The following C16orf78 variants were observed in gnomAD, a reference collection of about 807,000 sequenced individuals.
The protein encoded by C16orf78 is uncharacterized protein C16orf78.
Under a neutral mutation model 27.3 loss-of-function variants are expected in C16orf78, and 19 were observed. The ratio of observed to expected loss-of-function variants is 0.70; its 90% confidence interval spans 0.49 to 1.02. The LOEUF is 1.02. C16orf78 is among the 50% of genes least tolerant of loss of function. C16orf78 has a pLI of 0.00. For missense variants in C16orf78, 339 were observed against 337.0 expected (o/e 1.01, Z -0.05); for synonymous variants, 130 against 116.1 (o/e 1.12, Z -0.77).
intron 3 of C16orf78, among the ~76,000 whole-genome samples, chr16:49,387,844 G>A (rs559751521): frequency 1.2e-4 from 19 of 152,120 alleles, no homozygotes; most frequent in Non-Finnish European, 2.1e-4. Context: ...GTACAGAGAG[G>A]TTTTCATAAT....
At chr16:49,392,799 G>A (rs1193057079) in intron 3 of C16orf78, among the ~76,000 whole-genome samples, 2 of 152,184 alleles carry the variant, frequency 1.3e-5, no homozygotes, top group African/African-American at 4.8e-5. Flanking sequence ...CACCCAAGTA[G>A]TGAGCATATG....
intron 3 of C16orf78, among the ~76,000 whole-genome samples, chr16:49,390,325 T>C (rs749419762): frequency 2.0e-5 from 3 of 152,200 alleles, no homozygotes; most frequent in Admixed American, 6.5e-5. Flanking sequence ...TTATTTCATT[T>C]CTCCATTCTC....
At chr16:49,380,016 G>C (rs138582413) in intron 3 of C16orf78, among the ~76,000 whole-genome samples, 2,054 of 152,322 alleles carry the variant, frequency 0.013, 18 homozygotes, top group Non-Finnish European at 0.02. Context: ...GACTTGCTGA[G>C]TCCTCTGGCC....
intron 3 of C16orf78, among the ~76,000 whole-genome samples, chr16:49,390,344 C>T (rs1158390130): frequency 1.3e-5 from 2 of 152,186 alleles, no homozygotes; most frequent in African/African-American, 4.8e-5. Context: ...TCTCCCCTCT[C>T]TTTCAGGCAC....
At chr16:49,375,675 A>G (rs1329268682) in intron 1 of C16orf78, among the ~76,000 whole-genome samples, 3 of 152,172 alleles carry the variant, frequency 2.0e-5, no homozygotes, top group African/African-American at 7.2e-5. Flanking sequence ...GATCCAAACC[A>G]TACCACTTAC....
chr16:49,392,593 T>C (rs1965426489), intron 3 of C16orf78, among the ~76,000 whole-genome samples: 1 of 152,124 alleles, frequency 6.6e-6, no homozygotes, highest in Non-Finnish European at 1.5e-5. Context: ...CCTACATGCA[T>C]CAAAAAATGT....
chr16:49,388,327 C>T (rs1323619236), intron 3 of C16orf78, among the ~76,000 whole-genome samples: 3 of 152,100 alleles, frequency 2.0e-5, no homozygotes, highest in Non-Finnish European at 2.9e-5. Context: ...ATTTCTCTAA[C>T]TTTTTGATGT....
chr16:49,397,471 G>A (rs1965488183), intron 4 of C16orf78, among the ~76,000 whole-genome samples: 1 of 152,204 alleles, frequency 6.6e-6, no homozygotes, highest in South Asian at 2.1e-4. Flanking sequence ...CTCACTGACT[G>A]GCAGAAGGAT....
chr16:49,397,675 C>T (rs1392806617), intron 4 of C16orf78, among the ~76,000 whole-genome samples: 2 of 152,168 alleles, frequency 1.3e-5, no homozygotes, highest in Non-Finnish European at 2.9e-5. Context: ...GACAGGACTC[C>T]TGCCCTCCAA....
chr16:49,392,725 A>C (rs541780312), intron 3 of C16orf78, among the ~76,000 whole-genome samples: 6 of 152,296 alleles, frequency 3.9e-5, no homozygotes, highest in Admixed American at 3.3e-4. Flanking sequence ...CTAGGAGTAC[A>C]TGTGCGGGTT....
chr16:49,394,753 A>AT (rs985875089), intron 3 of C16orf78, among the ~76,000 whole-genome samples: 1 of 152,080 alleles, frequency 6.6e-6, no homozygotes, highest in Non-Finnish European at 1.5e-5. Context: ...TGATATGTTC[A>AT]TTTTTTCCCC....
chr16:49,382,199 G>T (rs1015562820), intron 3 of C16orf78, among the ~76,000 whole-genome samples: 1 of 152,104 alleles, frequency 6.6e-6, no homozygotes, highest in African/African-American at 2.4e-5. Context: ...TCACTCATAG[G>T]TGGGAATTGA....
chr16:49,374,096 A>T lies in C16orf78; in HGVS notation c.150+7A>T. On this transcript the variant is annotated splice_region_variant and intron_variant, in intron 1 of 4. Coordinates refer to ENST00000299191, the MANE Select transcript of C16orf78 (RefSeq NM_144602.4). ...GAAGAAACAAGCTCCCGAGGTGGGTACCATCCAAGAGAAATGGCAGGAAGA... is the reference window on the plus strand; with the variant it reads ...GAAGAAACAAGCTCCCGAGGTGGGTTCCATCCAAGAGAAATGGCAGGAAGA... 1 of 1,613,848 alleles carries T rather than the reference A, an allele frequency of 6.2e-7. No homozygotes were observed. The highest frequency in any genetic ancestry group is 8.5e-7 in the Non-Finnish European group (1 of 1,179,844).
chr16:49,387,929 T>A (rs965118947), intron 3 of C16orf78, among the ~76,000 whole-genome samples: 2 of 152,200 alleles, frequency 1.3e-5, no homozygotes, highest in Non-Finnish European at 2.9e-5. Context: ...TATGTCTATT[T>A]GGATCCTGTC....
intron 3 of C16orf78, among the ~76,000 whole-genome samples, chr16:49,393,396 G>A (rs1354710442): frequency 6.6e-6 from 1 of 152,070 alleles, no homozygotes; most frequent in African/African-American, 2.4e-5. Flanking sequence ...TGTGTGCTTT[G>A]TCATAAAAAA....
intron 3 of C16orf78, among the ~76,000 whole-genome samples, chr16:49,381,966 T>C (rs963360044): frequency 2.0e-5 from 3 of 151,610 alleles, no homozygotes; most frequent in Non-Finnish European, 4.4e-5. Flanking sequence ...CATGCACACA[T>C]ATGTTTATTG....
At chr16:49,393,475 C>T (rs1412811150) in intron 3 of C16orf78, among the ~76,000 whole-genome samples, 1 of 152,058 alleles carries the variant, frequency 6.6e-6, no homozygotes, top group East Asian at 1.9e-4. Context: ...TTAGAAATAA[C>T]CCTCAACTTT....
chr16:49,374,137 T>C (rs1179348446), intron 1 of C16orf78, 48 bp downstream of exon 1: 1 of 1,605,490 alleles, frequency 6.2e-7, no homozygotes, highest in African/African-American at 1.3e-5. Flanking sequence ...CTCAAGGTAG[T>C]TGCAGTAGGG....
intron 3 of C16orf78, among the ~76,000 whole-genome samples, chr16:49,382,542 A>G (rs1185082432): frequency 6.6e-6 from 1 of 152,192 alleles, no homozygotes; most frequent in East Asian, 1.9e-4. Context: ...ATCCCCTGCC[A>G]CCACGAGATT....
Sources: gnomAD v4.1 joint callset for allele counts (sites outside exome capture counted in the v4.1 genomes callset) on GRCh38, gnomAD v4.1.1 for gene constraint, MANE v1.5 for transcripts, NCBI Gene and HGNC (gene_info 2026-07-23, HGNC 2026-07-21) for gene names.